The following FOXO1 variants were observed in gnomAD, a reference collection of about 807,000 sequenced individuals.
FOXO1 encodes the protein forkhead box O1, also known as forkhead box protein O1.
Under a neutral mutation model 44.1 loss-of-function variants are expected in FOXO1, and 6 were observed. The observed-to-expected ratio is 0.14, with a 90% confidence interval of 0.07 to 0.27. The LOEUF (loss-of-function observed/expected upper bound fraction) is 0.27. Ranked by LOEUF, FOXO1 falls within the 10% of genes least tolerant of loss-of-function variation. The probability of loss-of-function intolerance (pLI) is 1.00; values close to 1 mark genes in which losing one functional copy is unlikely to be tolerated. For synonymous variants in FOXO1, 380 were observed against 362.7 expected (o/e 1.05, Z -0.54); for missense variants, 737 against 888.8 (o/e 0.83, Z 2.17).
At chr13:40,645,570 T>A (rs556593307) in intron 1 of FOXO1, among the ~76,000 whole-genome samples, 1 of 152,332 alleles carries the variant, frequency 6.6e-6, no homozygotes, top group Non-Finnish European at 1.5e-5. Context: ...AGGGTTGTTG[T>A]AGCAAACTTA....
intron 1 of FOXO1, among the ~76,000 whole-genome samples, chr13:40,634,898 G>C (rs568891555): frequency 4.4e-4 from 67 of 152,046 alleles, no homozygotes; most frequent in African/African-American, 1.6e-3. Context: ...GGCTGGTCTC[G>C]AACTCCTGAC....
intron 1 of FOXO1, among the ~76,000 whole-genome samples, chr13:40,630,050 CA>C (rs1374179708): frequency 6.6e-6 from 1 of 151,974 alleles, no homozygotes; most frequent in African/African-American, 2.4e-5. Context: ...CCCACCACTT[CA>C]AAAAAATTGA....
chr13:40,637,443 C>CAAAAAAAAAAAA, intron 1 of FOXO1, among the ~76,000 whole-genome samples: 1 of 52,578 alleles, frequency 1.9e-5, no homozygotes. Flanking sequence ...GACTCCATCA[C>CAAAAAAAAAAAA]AAAAAAAAAA....
At chr13:40,564,279 C>A (rs1874171286) in intron 1 of FOXO1, among the ~76,000 whole-genome samples, 1 of 141,398 alleles carries the variant, frequency 7.1e-6, no homozygotes, top group Admixed American at 7.1e-5. Flanking sequence ...CTAATTTAGA[C>A]TTTAAAAAAA....
chr13:40,570,332 A>T (rs187396737), intron 1 of FOXO1, among the ~76,000 whole-genome samples: 40 of 151,454 alleles, frequency 2.6e-4, no homozygotes, highest in Middle Eastern at 3.4e-3. Flanking sequence ...AAAATAAAAT[A>T]AAAAAAAGAC....
intron 1 of FOXO1, among the ~76,000 whole-genome samples, chr13:40,657,985 A>T (rs1245175944): frequency 1.3e-5 from 2 of 152,218 alleles, no homozygotes; most frequent in Non-Finnish European, 2.9e-5. Flanking sequence ...TCAAGAAAGA[A>T]TTTTTTTCCT....
rs1376936404 is a variant in FOXO1, at chr13:40,557,681, C to A, written c.*1368G>T. ...GACATAATTCCTCAAGGCAGAACTACAAAACCAACCTCCACCTGGACTGAA... is the reference window on the plus strand; with the variant it reads ...GACATAATTCCTCAAGGCAGAACTAAAAAACCAACCTCCACCTGGACTGAA... On this transcript the variant is annotated 3_prime_UTR_variant, in exon 3 of 3. Transcript: ENST00000379561. 6.6e-6 allele frequency: 1 copy of A among 152,184 alleles called. No homozygotes were observed. Among genetic ancestry groups the A allele is most frequent in the Non-Finnish European group, 1.5e-5 (1 of 68,030 alleles). The allele number at this position is 152,184 out of a possible 1,614,324, so 9.4% of individuals were successfully genotyped here. A position where few individuals can be genotyped will look rare whatever the true frequency, so the allele number is the denominator to read the frequency against.
intron 1 of FOXO1, among the ~76,000 whole-genome samples, chr13:40,628,891 A>G (rs1322503204): frequency 1.3e-5 from 2 of 152,250 alleles, no homozygotes; most frequent in Non-Finnish European, 2.9e-5. Flanking sequence ...GTACTACTAC[A>G]GACAAACTGT....
chr13:40,619,283 A>C (rs929206923), intron 1 of FOXO1: 1 of 403,984 alleles, frequency 2.5e-6, no homozygotes, highest in Admixed American at 3.7e-5. Context: ...AGCAAGAGTG[A>C]AACTCCATCT....
chr13:40,600,934 A>G (rs1875794936), intron 1 of FOXO1, among the ~76,000 whole-genome samples: 1 of 152,224 alleles, frequency 6.6e-6, no homozygotes, highest in South Asian at 2.1e-4. Context: ...CAAGCAATCT[A>G]CTACAAATTA....
At chr13:40,572,527 T>C (rs185540093) in intron 1 of FOXO1, among the ~76,000 whole-genome samples, 1 of 152,344 alleles carries the variant, frequency 6.6e-6, no homozygotes, top group Admixed American at 6.5e-5. Context: ...AGGGTTTACG[T>C]AGAATCTTGA....
chr13:40,572,603 A>G (rs555572850), intron 1 of FOXO1, among the ~76,000 whole-genome samples: 11 of 152,316 alleles, frequency 7.2e-5, no homozygotes, highest in African/African-American at 2.4e-4. Flanking sequence ...TGCCGAATAT[A>G]TATGTTTGTT....
chr13:40,601,537 A>G (rs1349991698), intron 1 of FOXO1, among the ~76,000 whole-genome samples: 1 of 152,248 alleles, frequency 6.6e-6, no homozygotes, highest in African/African-American at 2.4e-5. Flanking sequence ...TAAATTATAC[A>G]TACAGATTTA....
rs1050100463 is a variant in FOXO1, at chr13:40,666,326, C to A, written c.-114G>T. 1.2e-6 allele frequency: 1 copy of A among 844,032 alleles called. No homozygotes were observed. Among genetic ancestry groups the A allele is most frequent in the African/African-American group, 1.8e-5 (1 of 56,320 alleles). The allele number at this position is 844,032 out of a possible 1,614,324, so 52.3% of individuals were successfully genotyped here. On this transcript the variant is annotated 5_prime_UTR_variant, in exon 1 of 3. Coordinates refer to ENST00000379561, the MANE Select transcript of FOXO1 (RefSeq NM_002015.4). Reference sequence around the variant, plus strand: ...CGGTCCGAGATTTGGGGGAACGAAGCCGGTGCGGCGAGCGGACGGAAACTG... The same window carrying A: ...CGGTCCGAGATTTGGGGGAACGAAGACGGTGCGGCGAGCGGACGGAAACTG...
intron 1 of FOXO1, among the ~76,000 whole-genome samples, chr13:40,563,075 C>T (rs1170933863): frequency 6.6e-6 from 1 of 152,234 alleles, no homozygotes; most frequent in African/African-American, 2.4e-5. Flanking sequence ...GGATGCAAGG[C>T]TCAGCTGACC....
chr13:40,644,156 A>G (rs544830503), intron 1 of FOXO1, among the ~76,000 whole-genome samples: 2 of 152,336 alleles, frequency 1.3e-5, no homozygotes, highest in East Asian at 3.9e-4. Context: ...AAATATATCT[A>G]ACCAGCACCT....
chr13:40,562,164 C>T (rs1233483577), intron 1 of FOXO1, among the ~76,000 whole-genome samples: 1 of 152,024 alleles, frequency 6.6e-6, no homozygotes, highest in Non-Finnish European at 1.5e-5. Flanking sequence ...CCAGTTCTAC[C>T]AATGACCAGT....
At chr13:40,665,358 C>T (rs548628609) in intron 1 of FOXO1, among the ~76,000 whole-genome samples, 1 of 152,326 alleles carries the variant, frequency 6.6e-6, no homozygotes, top group Non-Finnish European at 1.5e-5. Context: ...CCCCAACGAG[C>T]CCCTTACCGC....
At chr13:40,633,726 T>C (rs1234232310) in intron 1 of FOXO1, among the ~76,000 whole-genome samples, 1 of 152,232 alleles carries the variant, frequency 6.6e-6, no homozygotes, top group Non-Finnish European at 1.5e-5. Flanking sequence ...TGAATTGTAC[T>C]CTTTAAGTGG....
Sources: allele counts gnomAD v4.1 joint callset (sites outside exome capture counted in the v4.1 genomes callset), GRCh38; gene constraint gnomAD v4.1.1; transcripts MANE v1.5; gene names NCBI Gene and HGNC (gene_info 2026-07-23, HGNC 2026-07-21).